MAGI1: variants seen among roughly 807,000 people sequenced by gnomAD.
MAGI1 encodes membrane-associated guanylate kinase, WW and PDZ domain-containing protein 1.
Under a neutral mutation model 139.9 loss-of-function variants are expected in MAGI1, and 58 were observed. That is an observed-to-expected ratio of 0.41 (90% confidence interval 0.34 to 0.52). MAGI1 has a LOEUF of 0.52. MAGI1 is among the 20% of genes least tolerant of loss of function. The pLI is 0.12. For synonymous variants in MAGI1, 812 were observed against 737.9 expected, an observed-to-expected ratio of 1.10 and a Z score of -1.63; for missense variants, 1,874 against 1,901.6, an observed-to-expected ratio of 0.99 and a Z score of 0.27.
chr3:65,524,171 G>A (rs2078283188), intron 2 of MAGI1, among the ~76,000 whole-genome samples: 2 of 152,174 alleles, frequency 1.3e-5, no homozygotes, highest in South Asian at 2.1e-4. Flanking sequence ...CTTTCACAAC[G>A]AACATTTTAC....
At chr3:65,658,929 A>G (rs72908113) in intron 1 of MAGI1, among the ~76,000 whole-genome samples, 19 of 152,340 alleles carry the variant, frequency 1.2e-4, no homozygotes, top group African/African-American at 4.6e-4. Context: ...AATCAACTAG[A>G]ACTTATATCC....
At chr3:65,961,298 T>A (rs914319772) in intron 1 of MAGI1, among the ~76,000 whole-genome samples, 1 of 152,198 alleles carries the variant, frequency 6.6e-6, no homozygotes, top group African/African-American at 2.4e-5. Flanking sequence ...CTTGGTACTA[T>A]CTACCCATAA....
intron 1 of MAGI1, among the ~76,000 whole-genome samples, chr3:65,835,473 T>A (rs544251631): frequency 4.4e-4 from 67 of 152,336 alleles, no homozygotes; most frequent in Middle Eastern, 3.4e-3. Flanking sequence ...ATATTCACTT[T>A]CAACCCAAAG....
Position 65,535,480 on chromosome 3 carries a change from G to A in MAGI1, c.431-41849C>T, listed in dbSNP as rs558742500. Among the ~76,000 whole-genome samples, 9 of 152,274 alleles carry A rather than the reference G, an allele frequency of 5.9e-5. 1 individual carries two copies. In the South Asian group the frequency reaches 1.0e-3, roughly 18 times the overall value. ...AGATTCAACCCTACCCATTTTCTAC[G>A]AGTAAAGTTTGTGTTCAAGAAAAAG... On this transcript the variant is annotated intron_variant, in intron 2 of 22. Transcript: ENST00000402939.
intron 1 of MAGI1, among the ~76,000 whole-genome samples, chr3:65,938,269 GTTATA>G (rs1461204795): frequency 1.3e-5 from 2 of 148,890 alleles, no homozygotes; most frequent in Non-Finnish European, 3.0e-5. Flanking sequence ...TAATGTAAAT[GTTATA>G]TTAAATTAAT....
Position 65,355,581 on chromosome 3 carries a change from C to T in MAGI1, c.*797G>A, listed in dbSNP as rs779085497. 6.6e-6 allele frequency: 1 copy of T among 152,602 alleles called. No individual in the cohort carries two copies. The highest frequency in any genetic ancestry group is 6.5e-5 in the Admixed American group (1 of 15,282). The allele number at this position is 152,602 out of a possible 1,614,324, so 9.5% of individuals were successfully genotyped here. A position where few individuals can be genotyped will look rare whatever the true frequency, so the allele number is the denominator to read the frequency against. ...TTGTCTCTTCCTCGTAGTAATTGAG[C>T]AAAGCTGTGATGGCATTGCCTTCAA... On this transcript the variant is annotated 3_prime_UTR_variant, in exon 23 of 23. Coordinates refer to ENST00000402939, the MANE Select transcript of MAGI1 (RefSeq NM_001033057.2).
At position 65,356,602 on chromosome 3, in the gene MAGI1, C is replaced by G; in HGVS notation, c.4165G>C (p.Gly1389Arg). Residue 1389 changes from glycine (G) to arginine (R), a missense_variant, in exon 23 of 23, where the codon GGG (glycine) becomes CGG (arginine). Gly to Arg is a moderately radical substitution (Grantham distance 125). Around this residue, in one of 5 missense-constraint regions of MAGI1, gnomAD observed 653 missense variants for 644.5 expected, o/e 1.01. Coordinates refer to ENST00000402939, the MANE Select transcript of MAGI1 (RefSeq NM_001033057.2). ...TTGGCCCTGCGCTCGGGCGAGCCCC[C>G]TCTCCTGCGCTCGGGGGACCTCCTC... Reference protein sequence around the residue: ...EQRRSPERRRGGSPERRAKST... With the variant: ...EQRRSPERRRRGSPERRAKST... 6.3e-7 allele frequency: 1 copy of G among 1,592,126 alleles called. No homozygotes were observed. The highest frequency in any genetic ancestry group is 8.5e-7 in the Non-Finnish European group (1 of 1,169,988).
intron 1 of MAGI1, among the ~76,000 whole-genome samples, chr3:65,664,583 T>C (rs1483175150): frequency 1.3e-5 from 2 of 152,204 alleles, no homozygotes; most frequent in Non-Finnish European, 2.9e-5. Context: ...AGAAAAATAG[T>C]CAATCTTCAC....
At chr3:65,430,593 G>T (rs1947383191) in intron 11 of MAGI1, 106 bp downstream of exon 11, 2 of 1,166,868 alleles carry the variant, frequency 1.7e-6, no homozygotes, top group Non-Finnish European at 1.2e-6. Context: ...GTGCAATCAT[G>T]ACGTTGCTTG....
intron 1 of MAGI1, among the ~76,000 whole-genome samples, chr3:65,994,214 C>A (rs1474836138): frequency 7.3e-6 from 1 of 137,718 alleles, no homozygotes; most frequent in Non-Finnish European, 1.5e-5. Flanking sequence ...GCAGAGGTTG[C>A]AATGAGCCGA....
chr3:65,432,490 C>G (rs1207216407), intron 10 of MAGI1, among the ~76,000 whole-genome samples: 1 of 152,186 alleles, frequency 6.6e-6, no homozygotes, highest in Non-Finnish European at 1.5e-5. Flanking sequence ...AAGTTTCTGG[C>G]TCTTGCAAAG....
chr3:65,707,086 C>T lies in MAGI1; in HGVS notation c.314-84998G>A, dbSNP rs984465344. ...GGAATGACAGCTCATTGATCAAACA[C>T]GAATGTGTTTGCCGTAGTTACTGTA... On this transcript the variant is annotated intron_variant, in intron 1 of 22. Transcript: ENST00000402939. 8.5e-5 allele frequency among the ~76,000 whole-genome samples: 13 copies of T among 152,144 alleles called. No individual in the cohort carries two copies. In the South Asian group the frequency reaches 1.0e-3, roughly 12 times the overall value.
chr3:65,566,973 A>G (rs541470701), intron 2 of MAGI1, among the ~76,000 whole-genome samples: 2 of 152,266 alleles, frequency 1.3e-5, no homozygotes, highest in East Asian at 3.9e-4. Context: ...AGATCATGAT[A>G]AAAGTCTACA....
chr3:65,569,698 G>A (rs2080852623), intron 2 of MAGI1, among the ~76,000 whole-genome samples: 1 of 146,132 alleles, frequency 6.8e-6, no homozygotes, highest in African/African-American at 2.5e-5. Context: ...GAAACATAAT[G>A]AGACCCTGTC....
chr3:65,683,651 G>A (rs1343925940), intron 1 of MAGI1, among the ~76,000 whole-genome samples: 1 of 82,512 alleles, frequency 1.2e-5, no homozygotes, highest in Non-Finnish European at 2.6e-5. Flanking sequence ...ACATCTGACT[G>A]AATAGGATAT....
intron 1 of MAGI1, among the ~76,000 whole-genome samples, chr3:65,690,566 TC>T (rs952057637): frequency 3.9e-5 from 6 of 152,022 alleles, no homozygotes; most frequent in Admixed American, 2.6e-4. Context: ...AACCTCCACC[TC>T]CTGGGTTGAA....
intron 1 of MAGI1, among the ~76,000 whole-genome samples, chr3:66,024,905 A>C (rs1303451122): frequency 6.6e-6 from 1 of 152,236 alleles, no homozygotes; most frequent in Non-Finnish European, 1.5e-5. Flanking sequence ...TACAAGTGAG[A>C]TAAGTGAAAA....
intron 12 of MAGI1, among the ~76,000 whole-genome samples, chr3:65,402,132 A>C (rs1310587266): frequency 6.6e-6 from 1 of 152,164 alleles, no homozygotes; most frequent in African/African-American, 2.4e-5. Context: ...TCTGCCAGTC[A>C]TCCAAGCAAC....
chr3:65,594,822 A>G (rs569568001), intron 2 of MAGI1, among the ~76,000 whole-genome samples: 19 of 152,268 alleles, frequency 1.2e-4, no homozygotes, highest in Middle Eastern at 3.4e-3. Flanking sequence ...AGCTTTTTCT[A>G]GTACTATCAA....
Sources: gnomAD v4.1 joint callset for allele counts (sites outside exome capture counted in the v4.1 genomes callset) on GRCh38, gnomAD v4.1.1 for gene constraint, gnomAD v4.1.1 regional missense constraint, MANE v1.5 for transcripts, NCBI Gene and HGNC (gene_info 2026-07-23, HGNC 2026-07-21) for gene names.